Variants in PTTG1IP2 observed in about 807,000 individuals in gnomAD.
The protein encoded by PTTG1IP2 is PTTG1IP family member 2.
At chr7:90,507,118 G>A (rs190749075) in intron 6 of PTTG1IP2, among the ~76,000 whole-genome samples, 27 of 152,242 alleles carry the variant, frequency 1.8e-4, no homozygotes, top group Non-Finnish European at 2.9e-4. Context: ...TGTTTTTTGC[G>A]AAGTTAGTTA....
chr7:90,490,936 CT>C (rs1381616715), intron 4 of PTTG1IP2, among the ~76,000 whole-genome samples: 49 of 152,288 alleles, frequency 3.2e-4, no homozygotes, highest in African/African-American at 9.9e-4. Context: ...TCTCTTCTTT[CT>C]GAATTTCTTC....
intron 4 of PTTG1IP2, among the ~76,000 whole-genome samples, chr7:90,490,864 C>T (rs1318059288): frequency 7.2e-5 from 11 of 152,230 alleles, no homozygotes; most frequent in Non-Finnish European, 1.5e-4. Flanking sequence ...CCTGAAGTCT[C>T]TCTGAAAATA....
At chr7:90,470,400 A>G (rs1797669371) in intron 1 of PTTG1IP2, 1 of 152,230 alleles carries the variant, frequency 6.6e-6, no homozygotes, top group Non-Finnish European at 1.5e-5. Context: ...AAATTTTGAA[A>G]TGTTAAAAGT....
chr7:90,475,216 G>A (rs1386058616), intron 1 of PTTG1IP2, among the ~76,000 whole-genome samples: 1 of 152,182 alleles, frequency 6.6e-6, no homozygotes, highest in Non-Finnish European at 1.5e-5. Context: ...TCCCTGGGGA[G>A]TAATTGTGAC....
intron 4 of PTTG1IP2, among the ~76,000 whole-genome samples, chr7:90,489,574 T>C (rs1357585943): frequency 6.6e-6 from 1 of 151,876 alleles, no homozygotes; most frequent in Non-Finnish European, 1.5e-5. Context: ...TTCTATAAGC[T>C]TTCTCATTAA....
At chr7:90,471,512 T>C (rs957107886) in intron 1 of PTTG1IP2, among the ~76,000 whole-genome samples, 2 of 152,168 alleles carry the variant, frequency 1.3e-5, no homozygotes, top group Admixed American at 6.5e-5. Context: ...TTAAAAAATA[T>C]ACTGAAACCT....
chr7:90,473,304 C>T (rs527243829), intron 1 of PTTG1IP2, among the ~76,000 whole-genome samples: 5 of 152,206 alleles, frequency 3.3e-5, no homozygotes, highest in South Asian at 2.1e-4. Flanking sequence ...CTGGACCTCA[C>T]GTCTAGAAAC....
chr7:90,508,426 G>A (rs1486316924), intron 6 of PTTG1IP2, among the ~76,000 whole-genome samples: 1 of 152,142 alleles, frequency 6.6e-6, no homozygotes, highest in African/African-American at 2.4e-5. Flanking sequence ...CTTCAAGAAT[G>A]TACAGTTTAT....
chr7:90,504,883 A>C (rs1340011954), intron 6 of PTTG1IP2, among the ~76,000 whole-genome samples: 2 of 152,204 alleles, frequency 1.3e-5, no homozygotes, highest in Non-Finnish European at 2.9e-5. Flanking sequence ...TGACATTTAT[A>C]TTCTTACTTC....
In PTTG1IP2 at chr7:90,479,216, T is replaced by C. The variant is rs986568234; in HGVS notation, c.146-12T>C. The C allele has an allele frequency of 6.6e-6, 1 of 152,634 alleles. No individual in the cohort carries two copies. Among genetic ancestry groups the C allele is most frequent in the Non-Finnish European group, 1.5e-5 (1 of 68,022 alleles). The allele number at this position is 152,634 out of a possible 1,614,324, so 9.5% of individuals were successfully genotyped here. A position where few individuals can be genotyped will look rare whatever the true frequency, so the allele number is the denominator to read the frequency against. On this transcript the variant is annotated splice_polypyrimidine_tract_variant and intron_variant, in intron 1 of 6. Coordinates refer to ENST00000509356, the MANE Select transcript of PTTG1IP2 (RefSeq NM_001365443.2). ...TTGGATTAATTTTGGACTTAATTTTTTTTAATTGTAGAATGTGCTGTAAAG... is the reference window on the plus strand; with the variant it reads ...TTGGATTAATTTTGGACTTAATTTTCTTTAATTGTAGAATGTGCTGTAAAG...
intron 6 of PTTG1IP2, among the ~76,000 whole-genome samples, chr7:90,495,891 G>T (rs1247573746): frequency 6.6e-6 from 1 of 152,176 alleles, no homozygotes; most frequent in Non-Finnish European, 1.5e-5. Flanking sequence ...TTTATTTGTT[G>T]TTGTTGGGAT....
At chr7:90,486,233 A>G (rs1286417497) in intron 2 of PTTG1IP2, among the ~76,000 whole-genome samples, 1 of 152,148 alleles carries the variant, frequency 6.6e-6, no homozygotes, top group Non-Finnish European at 1.5e-5. Context: ...GAGCCATGCT[A>G]CTTAGGTTAG....
At chr7:90,478,856 G>T (rs1484170833) in intron 1 of PTTG1IP2, among the ~76,000 whole-genome samples, 3 of 151,162 alleles carry the variant, frequency 2.0e-5, no homozygotes, top group African/African-American at 7.3e-5. Context: ...CTATTTAAAG[G>T]GTTAATTAGT....
chr7:90,510,486 A>C (rs1433888678), intron 6 of PTTG1IP2, among the ~76,000 whole-genome samples: 1 of 152,226 alleles, frequency 6.6e-6, no homozygotes, highest in East Asian at 1.9e-4. Flanking sequence ...CCCTTTCCTA[A>C]TACGAGCTTT....
At chr7:90,471,553 C>T (rs567122955) in intron 1 of PTTG1IP2, among the ~76,000 whole-genome samples, 38 of 152,116 alleles carry the variant, frequency 2.5e-4, no homozygotes, top group Non-Finnish European at 5.9e-5. Context: ...AGTAACCAGA[C>T]AACAAAGGGG....
intron 6 of PTTG1IP2, among the ~76,000 whole-genome samples, chr7:90,498,361 T>C (rs912168529): frequency 2.6e-5 from 4 of 152,144 alleles, no homozygotes; most frequent in Non-Finnish European, 1.5e-5. Flanking sequence ...AATTCTCCAA[T>C]GAAATAAAGG....
intron 6 of PTTG1IP2, among the ~76,000 whole-genome samples, chr7:90,505,213 G>A (rs1373838328): frequency 6.6e-6 from 1 of 152,100 alleles, no homozygotes; most frequent in African/African-American, 2.4e-5. Context: ...TTTGAAAAGG[G>A]TATTCGATGC....
intron 6 of PTTG1IP2, among the ~76,000 whole-genome samples, chr7:90,504,494 G>A (rs187598538): frequency 1.3e-5 from 2 of 152,250 alleles, no homozygotes; most frequent in East Asian, 3.9e-4. Flanking sequence ...TATAATCCCT[G>A]TCACAACTAC....
chr7:90,471,760 C>G (rs1192397550), intron 1 of PTTG1IP2, among the ~76,000 whole-genome samples: 1 of 152,120 alleles, frequency 6.6e-6, no homozygotes, highest in Non-Finnish European at 1.5e-5. Flanking sequence ...CATTCTTTTT[C>G]TTATTCCGAA....
Sources: gnomAD v4.1 joint callset for allele counts (sites outside exome capture counted in the v4.1 genomes callset) on GRCh38, gnomAD v4.1.1 for gene constraint, MANE v1.5 for transcripts, NCBI Gene and HGNC (gene_info 2026-07-23, HGNC 2026-07-21) for gene names.